RNF11: variants seen among roughly 807,000 people sequenced by gnomAD.
RNF11 encodes ring finger protein 11.
Under a neutral mutation model 15.8 loss-of-function variants are expected in RNF11, and 4 were observed. The observed-to-expected ratio is 0.25, with a 90% CI of 0.12 to 0.58. The LOEUF (loss-of-function observed/expected upper bound fraction) is 0.58, where lower values mean the gene tolerates loss of function less well. Among genes scored for constraint, RNF11 ranks in the 20% least tolerant of loss-of-function variants. The probability of loss-of-function intolerance (pLI) is 0.91; values close to 1 mark genes in which losing one functional copy is unlikely to be tolerated. For missense variants in RNF11, 139 were observed against 194.4 expected (o/e 0.71, Z 1.70); for synonymous variants, 68 against 72.3 (o/e 0.94, Z 0.30).
At chr1:51,259,468 G>C (rs778519391) in intron 1 of RNF11, among the ~76,000 whole-genome samples, 3 of 152,214 alleles carry the variant, frequency 2.0e-5, no homozygotes, top group Non-Finnish European at 2.9e-5. Flanking sequence ...GCACTCTGCT[G>C]AAAGAATAAA....
rs151135366 is a variant in RNF11, at chr1:51,257,623, A to C, written c.124-12333A>C. ...CAGATGTACACCACCATGCCCGACT[A>C]ATTTTTGTATTTTTTGTAGAGATGG... On this transcript the variant is annotated intron_variant, in intron 1 of 2. Transcript: ENST00000242719. Among the ~76,000 whole-genome samples the C allele has an allele frequency of 2.6e-5, 4 of 151,700 alleles. No individual in the cohort carries two copies. In the East Asian group the frequency reaches 5.8e-4, roughly 22 times the overall value.
At position 51,271,403 on chromosome 1, in the gene RNF11, G is replaced by A. The variant is rs76909946; in HGVS notation, c.*81G>A. 5,927 of 1,203,082 alleles carry A rather than the reference G, an allele frequency of 4.9e-3. 170 individuals are homozygous for A. The African/African-American group carries it at 0.072, about 15-fold the overall frequency. 74.5% of individuals were successfully genotyped at this position (1,203,082 alleles called of 1,614,324 possible). A position where few individuals can be genotyped will look rare whatever the true frequency, so the allele number is the denominator to read the frequency against. On this transcript the variant is annotated 3_prime_UTR_variant, in exon 3 of 3. Transcript: ENST00000242719. ...TTGTCACTGAGCCCAAAGAGCCAGGGATTAGGAATTAAGATCGTGCACAAA... is the reference window on the plus strand; with the variant it reads ...TTGTCACTGAGCCCAAAGAGCCAGGAATTAGGAATTAAGATCGTGCACAAA...
chr1:51,257,942 C>T (rs576300260), intron 1 of RNF11, among the ~76,000 whole-genome samples: 9 of 149,222 alleles, frequency 6.0e-5, no homozygotes, highest in African/African-American at 2.0e-4. Flanking sequence ...AAACCTCCGC[C>T]TCCCAGGGTC....
chr1:51,267,504 A>G (rs1646960413), intron 1 of RNF11, among the ~76,000 whole-genome samples: 1 of 152,246 alleles, frequency 6.6e-6, no homozygotes, highest in African/African-American at 2.4e-5. Context: ...CAAGCTTCCA[A>G]GAGTTATCTC....
chr1:51,250,871 GC>G, intron 1 of RNF11: 1 of 1,064,370 alleles, frequency 9.4e-7, no homozygotes, highest in Non-Finnish European at 1.4e-6. Flanking sequence ...CGGAGACAAT[GC>G]CAGTGCCCCT....
At chr1:51,252,805 T>TTGTTTGTGTGTGTGTGTG (rs1646885783) in intron 1 of RNF11, among the ~76,000 whole-genome samples, 1 of 143,942 alleles carries the variant, frequency 6.9e-6, no homozygotes, top group African/African-American at 2.6e-5. Flanking sequence ...TTTGTCCAGT[T>TTGTTTGTGTGTGTGTGTG]TGTGTGTGTG....
chr1:51,257,672 G>C (rs1193172855), intron 1 of RNF11, among the ~76,000 whole-genome samples: 2 of 151,684 alleles, frequency 1.3e-5, no homozygotes, highest in Admixed American at 6.6e-5. Flanking sequence ...TGCCCAGGCT[G>C]GTCTCAAGAT....
chr1:51,271,188 C>T lies in RNF11; in HGVS notation c.331C>T (p.Pro111Ser), dbSNP rs758085646. The change falls in exon 3 of 3, where the codon CCA (proline) becomes TCA (serine). Residue 111 changes from proline to serine, a missense_variant. Transcript: ENST00000242719. ...ICMMDFVYGD[P>S]IRFLPCMHIY... is the part of the protein sequence containing the mutation. Reference sequence around the variant, plus strand: ...TATGATGGACTTTGTTTATGGGGACCCAATTCGATTTCTGCCGTGCATGCA... The same window carrying T: ...TATGATGGACTTTGTTTATGGGGACTCAATTCGATTTCTGCCGTGCATGCA... The T allele has an allele frequency of 6.2e-7, 1 of 1,614,040 alleles. No homozygotes were observed. The highest frequency in any genetic ancestry group is 1.1e-5 in the South Asian group (1 of 91,078).
At chr1:51,250,186 T>C (rs1646870160) in intron 1 of RNF11, among the ~76,000 whole-genome samples, 1 of 152,240 alleles carries the variant, frequency 6.6e-6, no homozygotes, top group African/African-American at 2.4e-5. Flanking sequence ...TAATTATATA[T>C]ACTTATGATG....
chr1:51,239,245 A>C (rs905882491), intron 1 of RNF11, among the ~76,000 whole-genome samples: 1 of 152,156 alleles, frequency 6.6e-6, no homozygotes, highest in Non-Finnish European at 1.5e-5. Context: ...AGGTACTAGA[A>C]TTTATGGAAA....
chr1:51,270,649 A>G (rs749877546), intron 2 of RNF11, among the ~76,000 whole-genome samples: 47 of 152,242 alleles, frequency 3.1e-4, no homozygotes, highest in Non-Finnish European at 5.6e-4. Flanking sequence ...CTGTTTTTAC[A>G]GTTATTAAAA....
intron 1 of RNF11, chr1:51,251,442 C>T (rs1343573592): frequency 8.4e-6 from 7 of 829,776 alleles, no homozygotes; most frequent in South Asian, 4.6e-5. Context: ...GCCTCCGGGC[C>T]CCCCCCCGCT....
At chr1:51,241,237 T>G (rs1412982315) in intron 1 of RNF11, among the ~76,000 whole-genome samples, 1 of 152,196 alleles carries the variant, frequency 6.6e-6, no homozygotes, top group Non-Finnish European at 1.5e-5. Context: ...ACAGGTGCAC[T>G]TCTACTCTGC....
chr1:51,246,911 G>A (rs1427540955), intron 1 of RNF11, among the ~76,000 whole-genome samples: 2 of 150,982 alleles, frequency 1.3e-5, no homozygotes, highest in African/African-American at 4.9e-5. Flanking sequence ...CCAGGAGTTC[G>A]AGGCTGCAGT....
chr1:51,258,694 TTAA>T (rs747801173), intron 1 of RNF11, among the ~76,000 whole-genome samples: 2 of 152,158 alleles, frequency 1.3e-5, no homozygotes, highest in African/African-American at 2.4e-5. Flanking sequence ...ATTTCTCGAG[TTAA>T]TAAAATGTTT....
At chr1:51,251,502 G>A in intron 1 of RNF11, 3 of 594,250 alleles carry the variant, frequency 5.0e-6, no homozygotes, top group Non-Finnish European at 8.9e-6. Flanking sequence ...GAAAGGATTT[G>A]TGACAATTTG....
chr1:51,257,731 T>G (rs1319345143), intron 1 of RNF11, among the ~76,000 whole-genome samples: 2 of 152,052 alleles, frequency 1.3e-5, no homozygotes, highest in Non-Finnish European at 2.9e-5. Flanking sequence ...GTGCTGGGAT[T>G]ACAGGCGTGA....
chr1:51,255,483 T>C (rs1468712566), intron 1 of RNF11, among the ~76,000 whole-genome samples: 1 of 152,208 alleles, frequency 6.6e-6, no homozygotes, highest in Non-Finnish European at 1.5e-5. Context: ...TGGCTTTGAA[T>C]TCCTGGGCTT....
chr1:51,259,232 G>A lies in RNF11; in HGVS notation c.124-10724G>A, dbSNP rs533441753. On this transcript the variant is annotated intron_variant, in intron 1 of 2. Transcript: ENST00000242719. ...ACTGCCAAACACCCTGTGATGTACA[G>A]GACAGCCCCTACAACAAAGAATTGT... Among the ~76,000 whole-genome samples the A allele has an allele frequency of 5.3e-5, 8 of 152,294 alleles. No homozygotes were observed. In the South Asian group the frequency reaches 1.7e-3, roughly 32 times the overall value.
Sources: gnomAD v4.1 joint callset for allele counts (sites outside exome capture counted in the v4.1 genomes callset) on GRCh38, gnomAD v4.1.1 for gene constraint, MANE v1.5 for transcripts, NCBI Gene and HGNC (gene_info 2026-07-23, HGNC 2026-07-21) for gene names.